Variants in PKN2 observed in about 807,000 individuals in gnomAD.
PKN2 encodes the protein serine/threonine-protein kinase N2.
A neutral mutation model predicts 119.1 loss-of-function variants in PKN2; 38 were observed. The ratio of observed to expected loss-of-function variants is 0.32; its 90% confidence interval spans 0.25 to 0.42. The LOEUF is 0.42. Ranked by LOEUF, PKN2 falls within the 10% of genes least tolerant of loss-of-function variation. The pLI, the probability that PKN2 is intolerant of heterozygous loss-of-function variation, is 1.00. For missense variants in PKN2, 850 were observed against 1,165.1 expected (o/e 0.73, Z 3.94); for synonymous variants, 390 against 384.9 (o/e 1.01, Z -0.15).
chr1:88,807,321 G>C lies in PKN2; in HGVS notation c.1812G>C (p.Glu604Asp), dbSNP rs2100880414. Residue 604 changes from glutamate to aspartate, a missense_variant, in exon 13 of 22, where the codon GAG (glutamate) becomes GAC (aspartate). Physicochemically the swap from Glu to Asp is conservative, Grantham distance 45. Transcript: ENST00000370521. ...TATTTAATATTTTACAGGATTCAGA[G>C]ACTGTTTTTGATATTCAGAATGACA... ...RVLDIPGQDS[E>D]TVFDIQNDRN... 6.4e-7 allele frequency: 1 copy of C among 1,559,224 alleles called. No homozygotes were observed. The highest frequency in any genetic ancestry group is 8.8e-7 in the Non-Finnish European group (1 of 1,141,972).
intron 6 of PKN2, 75 bp from the exon 7 acceptor site, chr1:88,784,564 A>C: frequency 1.2e-6 from 1 of 863,132 alleles, no homozygotes; most frequent in South Asian, 3.9e-5. Context: ...TTTTTTGAAT[A>C]GGTAAGAGAT....
chr1:88,758,309 AAC>A (rs1443485068), intron 2 of PKN2, among the ~76,000 whole-genome samples: 9 of 152,120 alleles, frequency 5.9e-5, no homozygotes, highest in African/African-American at 2.2e-4. Flanking sequence ...GGACTTTACT[AAC>A]ACAGATTTTG....
At chr1:88,743,742 G>A (rs1668661535) in intron 2 of PKN2, among the ~76,000 whole-genome samples, 1 of 152,126 alleles carries the variant, frequency 6.6e-6, no homozygotes, top group Non-Finnish European at 1.5e-5. Context: ...AAAACACCCA[G>A]CAAATCGCAT....
At chr1:88,687,258 T>C (rs754607711) in intron 1 of PKN2, among the ~76,000 whole-genome samples, 19 of 152,266 alleles carry the variant, frequency 1.2e-4, no homozygotes, top group Non-Finnish European at 1.5e-4. Flanking sequence ...AGGAGGCTTA[T>C]TCAACAAGGA....
intron 8 of PKN2, among the ~76,000 whole-genome samples, chr1:88,798,899 G>A (rs1388545807): frequency 6.6e-6 from 1 of 152,166 alleles, no homozygotes; most frequent in Non-Finnish European, 1.5e-5. Context: ...TTTAAAGGAT[G>A]CCTTTGTAGA....
chr1:88,700,081 C>T (rs184974207), intron 1 of PKN2, among the ~76,000 whole-genome samples: 281 of 152,194 alleles, frequency 1.8e-3, no homozygotes, highest in African/African-American at 6.4e-3. Flanking sequence ...CCGTGCCTGG[C>T]TAATCTCATT....
intron 18 of PKN2, among the ~76,000 whole-genome samples, chr1:88,826,501 G>A (rs1340443796): frequency 2.0e-5 from 3 of 152,068 alleles, no homozygotes; most frequent in Non-Finnish European, 4.4e-5. Flanking sequence ...GCATAGTGGT[G>A]AAATCAAGGC....
At chr1:88,799,132 A>C (rs1227129304) in intron 8 of PKN2, among the ~76,000 whole-genome samples, 1 of 152,248 alleles carries the variant, frequency 6.6e-6, no homozygotes, top group East Asian at 1.9e-4. Flanking sequence ...GGATTGACAT[A>C]GGAAGCAGTT....
At chr1:88,697,293 C>G (rs1322717481) in intron 1 of PKN2, among the ~76,000 whole-genome samples, 1 of 152,094 alleles carries the variant, frequency 6.6e-6, no homozygotes, top group African/African-American at 2.4e-5. Flanking sequence ...TTAATAAATG[C>G]TTGAATAAAT....
At chr1:88,710,365 G>A (rs1004357395) in intron 1 of PKN2, among the ~76,000 whole-genome samples, 1 of 152,076 alleles carries the variant, frequency 6.6e-6, no homozygotes, top group Non-Finnish European at 1.5e-5. Context: ...ATATATTGAG[G>A]AGAAATTTTG....
At chr1:88,762,189 G>A (rs1387759095) in intron 3 of PKN2, among the ~76,000 whole-genome samples, 1 of 152,194 alleles carries the variant, frequency 6.6e-6, no homozygotes, top group Non-Finnish European at 1.5e-5. Context: ...ACTGCTCTAA[G>A]TTGAACAGAG....
At chr1:88,745,481 T>A (rs1668735623) in intron 2 of PKN2, among the ~76,000 whole-genome samples, 1 of 152,112 alleles carries the variant, frequency 6.6e-6, no homozygotes, top group Non-Finnish European at 1.5e-5. Context: ...CTATATAATA[T>A]CTGAATAAAA....
At chr1:88,821,688 C>A (rs1672298018) in intron 16 of PKN2, among the ~76,000 whole-genome samples, 1 of 152,170 alleles carries the variant, frequency 6.6e-6, no homozygotes, top group Non-Finnish European at 1.5e-5. Context: ...CCTGCAGAAC[C>A]AGATCAAATG....
chr1:88,826,558 T>C (rs564154046), intron 18 of PKN2, among the ~76,000 whole-genome samples: 19 of 152,236 alleles, frequency 1.2e-4, no homozygotes, highest in Non-Finnish European at 1.8e-4. Flanking sequence ...ACCTATTAAG[T>C]AATTTCTCAT....
intron 8 of PKN2, among the ~76,000 whole-genome samples, chr1:88,792,320 T>C (rs1670875218): frequency 6.6e-6 from 1 of 152,148 alleles, no homozygotes; most frequent in Admixed American, 6.6e-5. Context: ...ATAGAATCGC[T>C]TGAACCTGGG....
intron 1 of PKN2, among the ~76,000 whole-genome samples, chr1:88,702,249 G>A (rs1315947850): frequency 1.3e-5 from 2 of 152,108 alleles, no homozygotes; most frequent in Non-Finnish European, 2.9e-5. Context: ...ATGAGCAACC[G>A]TGCCCAGGTT....
Position 88,733,315 on chromosome 1 carries a change from G to C in PKN2, c.49-7673G>C, listed in dbSNP as rs370059295. Among the ~76,000 whole-genome samples, 18 of 152,176 alleles carry C rather than the reference G, an allele frequency of 1.2e-4. No individual in the cohort carries two copies. In the East Asian group the frequency reaches 3.5e-3, roughly 29 times the overall value. On this transcript the variant is annotated intron_variant, in intron 1 of 21. Transcript: ENST00000370521. The stretch of plus-strand genomic sequence containing the variant: ...ACATTCCCACCAGCAGTGTATAAGG[G>C]TTCCCTTTTATCCATACCCTCATCA...
Position 88,684,506 on chromosome 1 carries a change from AC to A in PKN2, c.-71del. 2 of 957,398 alleles carry A rather than the reference AC, an allele frequency of 2.1e-6. No homozygotes were observed. The highest frequency in any genetic ancestry group is 3.1e-5 in the South Asian group (2 of 65,528). The allele number at this position is 957,398 out of a possible 1,614,324, so 59.3% of individuals were successfully genotyped here. On this transcript the variant is annotated 5_prime_UTR_variant, in exon 1 of 22. Transcript: ENST00000370521. The stretch of plus-strand genomic sequence containing the variant: ...CTTTCTCTCCCCTCTCCTCACCCCC[AC>A]CCCGAGCCCCGTCCCGCCTTCTCCC...
intron 1 of PKN2, among the ~76,000 whole-genome samples, chr1:88,725,010 C>T (rs1667845444): frequency 6.6e-6 from 1 of 151,144 alleles, no homozygotes; most frequent in Admixed American, 6.6e-5. Context: ...AATTCTTGTG[C>T]TTCAGCCTCC....
Sources: allele counts gnomAD v4.1 joint callset (sites outside exome capture counted in the v4.1 genomes callset), GRCh38; gene constraint gnomAD v4.1.1; transcripts MANE v1.5; gene names NCBI Gene and HGNC (gene_info 2026-07-23, HGNC 2026-07-21).